SLC1A6: variants seen among roughly 807,000 people sequenced by gnomAD.
SLC1A6 encodes the protein excitatory amino acid transporter 4.
A neutral mutation model predicts 42.1 loss-of-function variants in SLC1A6; 15 were observed. The observed-to-expected ratio is 0.36, with a 90% confidence interval of 0.24 to 0.55. The LOEUF (loss-of-function observed/expected upper bound fraction) is 0.55, where lower values mean the gene tolerates loss of function less well. Ranked by LOEUF, SLC1A6 falls within the 20% of genes least tolerant of loss-of-function variation. The pLI is 0.88. For synonymous variants in SLC1A6, 317 were observed against 319.7 expected (o/e 0.99, Z 0.09); for missense variants, 542 against 772.5 (o/e 0.70, Z 3.54).
At position 14,954,332 on chromosome 19, in the gene SLC1A6, G is replaced by A; in HGVS notation, c.1170-3C>T. The A allele has an allele frequency of 1.2e-6, 2 of 1,604,702 alleles. No individual in the cohort carries two copies. The highest frequency in any genetic ancestry group is 1.7e-6 in the Non-Finnish European group (2 of 1,179,694). ...AGGTGATGGGCAGCGTTGCCGAGCT[G>A]GGGGAAAGAGCCCAGGACTGAGGAT... On this transcript the variant is annotated splice_region_variant and splice_polypyrimidine_tract_variant and intron_variant, in intron 7 of 9. Transcript: ENST00000594383.
intron 1 of SLC1A6, among the ~76,000 whole-genome samples, chr19:15,004,553 A>AAAAAC (rs60251760): frequency 6.6e-6 from 1 of 150,826 alleles, no homozygotes; most frequent in African/African-American, 2.4e-5. Flanking sequence ...AAAAAAAAAA[A>AAAAAC]GTCAATTGTG....
chr19:14,953,467 C>T (rs1466511313), intron 8 of SLC1A6, among the ~76,000 whole-genome samples: 3 of 151,838 alleles, frequency 2.0e-5, no homozygotes, highest in Non-Finnish European at 4.4e-5. Flanking sequence ...AGGCTGGTCT[C>T]GAACTCCTGA....
At chr19:15,001,049 G>A (rs1253837167) in intron 1 of SLC1A6, among the ~76,000 whole-genome samples, 1 of 152,248 alleles carries the variant, frequency 6.6e-6, no homozygotes, top group Non-Finnish European at 1.5e-5. Context: ...AGCAGAAGCA[G>A]AAGAAAGTCC....
At chr19:14,952,871 G>T in intron 9 of SLC1A6, 57 bp downstream of exon 9, 1 of 1,569,992 alleles carries the variant, frequency 6.4e-7, no homozygotes, top group Non-Finnish European at 8.7e-7. Context: ...GACGTTGCAG[G>T]GGAAAGCAGT....
At chr19:14,953,460 C>T (rs191869266) in intron 8 of SLC1A6, among the ~76,000 whole-genome samples, 1 of 151,980 alleles carries the variant, frequency 6.6e-6, no homozygotes, top group Non-Finnish European at 1.5e-5. Context: ...GTTGGCCAGG[C>T]TGGTCTCGAA....
chr19:15,001,848 G>T (rs1179278151), intron 1 of SLC1A6, among the ~76,000 whole-genome samples: 2 of 151,988 alleles, frequency 1.3e-5, no homozygotes. Context: ...TTTTTGTAGA[G>T]CCAGGGTTTA....
chr19:14,987,044 T>C (rs2045796192), intron 1 of SLC1A6, among the ~76,000 whole-genome samples: 1 of 152,018 alleles, frequency 6.6e-6, no homozygotes, highest in South Asian at 2.1e-4. Context: ...GCAAATAATA[T>C]CTTAGAATGA....
At chr19:14,964,648 T>A (rs2045553205) in intron 4 of SLC1A6, among the ~76,000 whole-genome samples, 1 of 152,142 alleles carries the variant, frequency 6.6e-6, no homozygotes, top group Non-Finnish European at 1.5e-5. Flanking sequence ...CAGATGGCCC[T>A]CAAATCCAGG....
At chr19:15,009,083 T>C (rs1403062296) in intron 1 of SLC1A6, among the ~76,000 whole-genome samples, 1 of 121,022 alleles carries the variant, frequency 8.3e-6, no homozygotes, top group African/African-American at 3.5e-5. Flanking sequence ...CATATATATA[T>C]CGGATACAAA....
chr19:15,009,861 TGAGTGCTATGAAGACA>T (rs1373857962), intron 1 of SLC1A6, among the ~76,000 whole-genome samples: 1 of 151,942 alleles, frequency 6.6e-6, no homozygotes, highest in Admixed American at 6.6e-5. Context: ...CAGATAGCGG[TGAGTGCTATGAAGACA>T]CGAAAGAAAA....
At chr19:14,998,535 T>C (rs1200519157) in intron 1 of SLC1A6, among the ~76,000 whole-genome samples, 1 of 152,066 alleles carries the variant, frequency 6.6e-6, no homozygotes, top group Admixed American at 6.6e-5. Flanking sequence ...AGTGAGACTC[T>C]GTCTCAAAAA....
At chr19:14,951,098 A>T (rs1677132265) in intron 9 of SLC1A6, among the ~76,000 whole-genome samples, 3 of 147,910 alleles carry the variant, frequency 2.0e-5, no homozygotes, top group Admixed American at 1.3e-4. Flanking sequence ...AAAAAAAAAA[A>T]AATTAGCTGG....
chr19:14,966,583 C>T (rs530237647), intron 4 of SLC1A6, among the ~76,000 whole-genome samples: 7 of 151,978 alleles, frequency 4.6e-5, no homozygotes, highest in Non-Finnish European at 8.8e-5. Context: ...TTTAAAAAAT[C>T]GTGCTGCTTC....
Position 14,972,863 on chromosome 19 carries a change from C to T in SLC1A6, c.48G>A (p.Arg16=). Residue 16 remains arginine (R), a synonymous_variant, in exon 2 of 10, where the codon CGG becomes CGA. Transcript: ENST00000594383. ...GCTGCAGCCAGCCCACCCGGCCCAG[C>T]CGCTGGCCGCTCTCCCGCAGGAACA... ...NSLFLRESGQ[R]LGRVGWLQRL... 1 of 1,603,674 alleles carries T rather than the reference C, an allele frequency of 6.2e-7. No individual in the cohort carries two copies. Among genetic ancestry groups the T allele is most frequent in the Non-Finnish European group, 8.5e-7 (1 of 1,175,878 alleles).
intron 5 of SLC1A6, 54 bp from the exon 6 acceptor site, chr19:14,962,399 G>A (rs550509525): frequency 2.2e-5 from 30 of 1,357,802 alleles, no homozygotes; most frequent in Admixed American, 1.3e-4. Context: ...CATTAGAATC[G>A]CCTGGAGAAA....
chr19:14,998,054 A>G (rs955238488), intron 1 of SLC1A6, among the ~76,000 whole-genome samples: 1 of 151,882 alleles, frequency 6.6e-6, no homozygotes, highest in Non-Finnish European at 1.5e-5. Flanking sequence ...TCAAGCTATT[A>G]ACATATGCAT....
Position 14,962,182 on chromosome 19 carries a change from C to T in SLC1A6, c.755G>A (p.Ser252Asn), listed in dbSNP as rs771485862. The change falls in exon 6 of 10, where the codon AGC (serine) becomes AAC (asparagine). Residue 252 changes from serine to asparagine, a missense_variant. Ser to Asn is a conservative substitution (Grantham distance 46). Around this residue, in one of 6 missense-constraint regions of SLC1A6, gnomAD observed 298 missense variants for 419.4 expected, o/e 0.71. Transcript: ENST00000594383. ...AGGCACGGGTACAGTCTCCTCAAAG[C>T]TCAGCATCTCCTGCAGGGTACCCAA... ...RALGTLQEML[S>N]FEETVPVPGS... 2 of 1,614,214 alleles carry T rather than the reference C, an allele frequency of 1.2e-6. No individual in the cohort carries two copies. The highest frequency in any genetic ancestry group is 1.3e-5 in the African/African-American group (1 of 75,060).
chr19:14,982,336 C>T (rs573367675), upstream of SLC1A6, among the ~76,000 whole-genome samples: 48 of 152,168 alleles, frequency 3.2e-4, no homozygotes, highest in African/African-American at 1.2e-3. Flanking sequence ...TCGAGACCAG[C>T]CTGGCCAACC....
intron 1 of SLC1A6, among the ~76,000 whole-genome samples, chr19:14,998,892 ATTTT>A (rs1331759352): frequency 3.7e-4 from 54 of 145,202 alleles, no homozygotes; most frequent in African/African-American, 1.1e-3. Flanking sequence ...TTATTTATTT[ATTTT>A]TAATGGAGTC....
Sources: gnomAD v4.1 joint callset for allele counts (sites outside exome capture counted in the v4.1 genomes callset) on GRCh38, gnomAD v4.1.1 for gene constraint, gnomAD v4.1.1 regional missense constraint, MANE v1.5 for transcripts, NCBI Gene and HGNC (gene_info 2026-07-23, HGNC 2026-07-21) for gene names.